Variants in EIF2S3 observed in about 807,000 individuals in gnomAD.
EIF2S3 encodes the protein eukaryotic translation initiation factor 2 subunit 3.
In EIF2S3, 2 loss-of-function variants were observed where a neutral mutation model predicts 31.7. That is an observed-to-expected ratio of 0.06 (90% CI 0.03 to 0.20). The LOEUF is 0.20. Among genes scored for constraint, EIF2S3 ranks in the 10% least tolerant of loss-of-function variants. The probability of loss-of-function intolerance (pLI) is 1.00; values close to 1 mark genes in which losing one functional copy is unlikely to be tolerated. For missense variants in EIF2S3, 96 were observed against 359.3 expected (o/e 0.27, Z 5.92); for synonymous variants, 120 against 126.7 (o/e 0.95, Z 0.36).
chrX:24,066,499 A>G (rs1394833286), intron 8 of EIF2S3, among the ~76,000 whole-genome samples: 1 of 104,640 alleles, frequency 9.6e-6, no homozygotes, highest in South Asian at 3.9e-4. Flanking sequence ...GCATATATAT[A>G]TATGCTGCCA....
At chrX:24,059,868 T>C (rs917022185) in intron 4 of EIF2S3, among the ~76,000 whole-genome samples, 1 of 112,396 alleles carries the variant, frequency 8.9e-6, no homozygotes, top group Non-Finnish European at 1.9e-5. Flanking sequence ...TTTTGGAGTT[T>C]ATCTTCCATT....
In EIF2S3 at chrX:24,057,827, G is replaced by A. The variant is rs1049978582; in HGVS notation, c.383+73G>A. 4.6e-6 allele frequency: 5 copies of A among 1,089,574 alleles called. No homozygotes were observed. The Admixed American group carries it at 9.0e-5, about 20-fold the overall frequency. 89.8% of individuals were successfully genotyped at this position (1,089,574 alleles called of 1,213,427 possible). ...TCTGTTTTGTGCTTTTTGAAATATC[G>A]AGGTGTTAAACGGTGAACCTAATGG... On this transcript the variant is annotated intron_variant, in intron 4 of 11. Coordinates refer to ENST00000253039, the MANE Select transcript of EIF2S3 (RefSeq NM_001415.4).
chrX:24,057,986 A>G (rs753063503), intron 4 of EIF2S3, among the ~76,000 whole-genome samples: 70 of 112,566 alleles, frequency 6.2e-4, no homozygotes, highest in East Asian at 5.5e-4. Flanking sequence ...AAACAGAAAA[A>G]CAACTCATTG....
At chrX:24,073,050 C>T (rs1206103379) in intron 10 of EIF2S3, 41 bp from the exon 11 acceptor site, 4 of 1,155,694 alleles carry the variant, frequency 3.5e-6, no homozygotes, top group Admixed American at 5.2e-5. Flanking sequence ...AAAGCATTTT[C>T]TTGATTTTGG....
intron 10 of EIF2S3, 133 bp downstream of exon 10, chrX:24,071,860 C>T: frequency 1.3e-6 from 1 of 744,724 alleles, no homozygotes; most frequent in East Asian, 3.7e-5. Flanking sequence ...TTTGACCTCC[C>T]CAAAATTGAG....
At chrX:24,074,666 A>G (rs1930722702) in intron 11 of EIF2S3, among the ~76,000 whole-genome samples, 1 of 109,823 alleles carries the variant, frequency 9.1e-6, no homozygotes, top group African/African-American at 3.3e-5. Flanking sequence ...ATCATTTGGC[A>G]TTCTTTCTTT....
Position 24,066,102 on chromosome X carries a change from G to T in EIF2S3, c.867+10G>T. ...AAAAGGAGTATTAAAGGTAAAATGGGTTTTGGTTGTTGTGATTTTGGGTTT... is the reference window on the plus strand; with the variant it reads ...AAAAGGAGTATTAAAGGTAAAATGGTTTTTGGTTGTTGTGATTTTGGGTTT... On this transcript the variant is annotated intron_variant, in intron 8 of 11. Coordinates refer to ENST00000253039, the MANE Select transcript of EIF2S3 (RefSeq NM_001415.4). 1 of 1,080,634 alleles carries T rather than the reference G, an allele frequency of 9.3e-7. No individual in the cohort carries two copies. Among genetic ancestry groups the T allele is most frequent in the Non-Finnish European group, 1.2e-6 (1 of 817,530 alleles). 89.1% of individuals were successfully genotyped at this position (1,080,634 alleles called of 1,213,427 possible). A position where few individuals can be genotyped will look rare whatever the true frequency, so the allele number is the denominator to read the frequency against.
At chrX:24,063,340 CTCAG>C (rs767030244) in intron 6 of EIF2S3, among the ~76,000 whole-genome samples, 9 of 112,429 alleles carry the variant, frequency 8.0e-5, no homozygotes, top group Non-Finnish European at 1.5e-4. Context: ...CATTTTCTCT[CTCAG>C]TCTTGTTTTT....
At chrX:24,064,091 G>C (rs760178132) in intron 6 of EIF2S3, 110 bp from the exon 7 acceptor site, 1 of 691,509 alleles carries the variant, frequency 1.4e-6, no homozygotes, top group Non-Finnish European at 2.0e-6. Flanking sequence ...TTTATATGGG[G>C]TTTAGGCATC....
chrX:24,075,395 C>T (rs970312250), intron 11 of EIF2S3, among the ~76,000 whole-genome samples: 20 of 111,050 alleles, frequency 1.8e-4, no homozygotes, highest in Admixed American at 1.1e-3. Context: ...TGCTCTTTCC[C>T]AGGTTATTGA....
At chrX:24,068,570 G>A (rs7882734) in intron 9 of EIF2S3, among the ~76,000 whole-genome samples, 56,247 of 108,357 alleles carry the variant, frequency 0.52, 12,363 homozygotes, top group Non-Finnish European at 0.68. Context: ...TCAGCCTCCC[G>A]AGTAGCTGGG....
intron 11 of EIF2S3, among the ~76,000 whole-genome samples, chrX:24,075,746 T>C (rs1436097038): frequency 1.8e-5 from 2 of 111,483 alleles, no homozygotes; most frequent in African/African-American, 6.5e-5. Context: ...TTATTTATTT[T>C]ATATTTTTTA....
At chrX:24,057,083 T>C (rs1013184918) in intron 2 of EIF2S3, among the ~76,000 whole-genome samples, 7 of 112,651 alleles carry the variant, frequency 6.2e-5, no homozygotes, top group African/African-American at 1.9e-4. Context: ...CAGGCTGGAG[T>C]GCAGTGGCAC....
At chrX:24,070,439 G>GTTTGTTTT (rs1930649465) in intron 9 of EIF2S3, among the ~76,000 whole-genome samples, 2 of 50,977 alleles carry the variant, frequency 3.9e-5, no homozygotes, top group African/African-American at 1.7e-4. Flanking sequence ...ATCATATGTA[G>GTTTGTTTT]TTTTTTTTTT....
At chrX:24,076,390 C>T (rs921678743) in intron 11 of EIF2S3, among the ~76,000 whole-genome samples, 7 of 110,581 alleles carry the variant, frequency 6.3e-5, no homozygotes, top group African/African-American at 1.3e-4. Context: ...AAAAATCAGC[C>T]GGGCATGGTG....
intron 5 of EIF2S3, among the ~76,000 whole-genome samples, chrX:24,061,130 G>A (rs1343704466): frequency 9.4e-6 from 1 of 106,052 alleles, no homozygotes; most frequent in Non-Finnish European, 1.9e-5. Context: ...GGTGGTGCGT[G>A]CCTGTAATCC....
In EIF2S3 at chrX:24,077,221, A is replaced by C. The variant is rs1930769275; in HGVS notation, c.*436A>C. On this transcript the variant is annotated 3_prime_UTR_variant, in exon 12 of 12. Coordinates refer to ENST00000253039, the MANE Select transcript of EIF2S3 (RefSeq NM_001415.4). ...GTAGCTGAGATTACAGGTGCGCGCC[A>C]CCACACTTGGCTAATTTTTGTATTA... 1 of 113,598 alleles carries C rather than the reference A, an allele frequency of 8.8e-6. No individual in the cohort carries two copies. Among genetic ancestry groups the C allele is most frequent in the African/African-American group, 3.3e-5 (1 of 30,452 alleles). The allele number at this position is 113,598 out of a possible 1,213,427, so 9.4% of individuals were successfully genotyped here. A position where few individuals can be genotyped will look rare whatever the true frequency, so the allele number is the denominator to read the frequency against.
At position 24,062,652 on chromosome X, in the gene EIF2S3, C is replaced by T. The variant is rs1930509725; in HGVS notation, c.637+78C>T. Reference sequence around the variant, plus strand: ...CTCTGGATACCAGATGTTAAATTAACTTTTAATATATTATCTAAAACAAGG... The same window carrying T: ...CTCTGGATACCAGATGTTAAATTAATTTTTAATATATTATCTAAAACAAGG... On this transcript the variant is annotated intron_variant, in intron 6 of 11. Coordinates refer to ENST00000253039, the MANE Select transcript of EIF2S3 (RefSeq NM_001415.4). 4 of 1,052,166 alleles carry T rather than the reference C, an allele frequency of 3.8e-6. No homozygotes were observed. The East Asian group carries it at 9.3e-5, about 24-fold the overall frequency. The allele number at this position is 1,052,166 out of a possible 1,213,427, so 86.7% of individuals were successfully genotyped here.
rs1307931826 is a variant in EIF2S3, at chrX:24,055,603, A to G, written c.70-12A>G. 4.1e-6 allele frequency: 5 copies of G among 1,208,739 alleles called. No homozygotes were observed. The highest frequency in any genetic ancestry group is 3.4e-6 in the Non-Finnish European group (3 of 892,925). On this transcript the variant is annotated splice_polypyrimidine_tract_variant and intron_variant, in intron 1 of 11. Coordinates refer to ENST00000253039, the MANE Select transcript of EIF2S3 (RefSeq NM_001415.4). ...TTTTACGTGCAGTGTTTTAAAATAT[A>G]TTTCATTGCAGGATGTTACCAAGTT...
Sources: allele counts gnomAD v4.1 joint callset (sites outside exome capture counted in the v4.1 genomes callset), GRCh38; gene constraint gnomAD v4.1.1; transcripts MANE v1.5; gene names NCBI Gene and HGNC (gene_info 2026-07-23, HGNC 2026-07-21).